The following CARD16 variants were observed in gnomAD, a reference collection of about 807,000 sequenced individuals.
CARD16 encodes the protein caspase recruitment domain-containing protein 16.
In CARD16, 8 loss-of-function variants were observed where a neutral mutation model predicts 11.9. The ratio of observed to expected loss-of-function variants is 0.67; its 90% CI spans 0.39 to 1.21. The LOEUF (loss-of-function observed/expected upper bound fraction) is 1.21, where lower values mean the gene tolerates loss of function less well. Among genes scored for constraint, CARD16 ranks in the 50% most tolerant of loss-of-function variants. The pLI, the probability that CARD16 is intolerant of heterozygous loss-of-function variation, is 0.01. For missense variants in CARD16, 131 were observed against 118.1 expected (o/e 1.11, Z -0.51); for synonymous variants, 44 against 43.8 (o/e 1.00, Z -0.02).
intron 3 of CARD16, among the ~76,000 whole-genome samples, chr11:105,043,218 A>G (rs1397594215): frequency 6.6e-6 from 1 of 152,152 alleles, no homozygotes; most frequent in African/African-American, 2.4e-5. Context: ...GATGTGAGGG[A>G]ATATTTCAGT....
At chr11:105,042,163 A>G (rs941556855) in intron 3 of CARD16, among the ~76,000 whole-genome samples, 3 of 152,232 alleles carry the variant, frequency 2.0e-5, no homozygotes, top group East Asian at 1.9e-4. Flanking sequence ...CCTAATAGAC[A>G]TGGTAGTAAA....
intron 3 of CARD16, 132 bp downstream of exon 3, chr11:105,043,351 G>T (rs1164068927): frequency 1.0e-5 from 5 of 501,550 alleles, no homozygotes; most frequent in African/African-American, 4.1e-5. Flanking sequence ...AAACAGAATA[G>T]ATTAAAAAAG....
At position 105,041,581 on chromosome 11, in the gene CARD16, A is replaced by G; in HGVS notation, c.*182T>C. On this transcript the variant is annotated 3_prime_UTR_variant, in exon 4 of 4. Coordinates refer to ENST00000673097, the MANE Select transcript of CARD16 (RefSeq NM_052889.4). ...TGAAGTATATCTTTCACTCCACTTT[A>G]TTATTGTATTCTGAACATGGCACCT... 1 of 1,614,072 alleles carries G rather than the reference A, an allele frequency of 6.2e-7. No homozygotes were observed. The highest frequency in any genetic ancestry group is 8.5e-7 in the Non-Finnish European group (1 of 1,179,950).
In CARD16 at chr11:105,044,655, T is replaced by A. The variant is rs61745000; in HGVS notation, c.11A>T (p.Lys4Met). Residue 4 changes from lysine (K) to methionine (M), a missense_variant, in exon 2 of 4, where the codon AAG (lysine) becomes ATG (methionine). Physicochemically the swap from Lys to Met is moderately conservative, Grantham distance 95. Coordinates refer to ENST00000673097, the MANE Select transcript of CARD16 (RefSeq NM_052889.4). MAD[K>M]VLKEKRKLFI... ...CAGCTTTCTCTTCTCCTTCAGGACC[T>A]TGTCTGTTTGGAGCACAAGGATTTC... 1 of 1,613,984 alleles carries A rather than the reference T, an allele frequency of 6.2e-7. No homozygotes were observed. Among genetic ancestry groups the A allele is most frequent in the Non-Finnish European group, 8.5e-7 (1 of 1,179,854 alleles).
chr11:105,042,727 A>G (rs1451596882), intron 3 of CARD16, among the ~76,000 whole-genome samples: 1 of 152,202 alleles, frequency 6.6e-6, no homozygotes, highest in Non-Finnish European at 1.5e-5. Flanking sequence ...AGCAATAGAG[A>G]AAAACTAAAG....
At chr11:105,042,459 A>AG (rs71303262) in intron 3 of CARD16, among the ~76,000 whole-genome samples, 27,192 of 152,132 alleles carry the variant, frequency 0.18, 2,621 homozygotes, top group Admixed American at 0.26. Flanking sequence ...CACTTGTTAA[A>AG]AAATTAATGT....
chr11:105,044,718 A>G lies in CARD16; in HGVS notation c.8-60T>C, dbSNP rs1278398183. ...AACAGCCTCATATTCCTCTCACGTCATCAACAGAAAGTGACCTCATTTAGA... is the reference window on the plus strand; with the variant it reads ...AACAGCCTCATATTCCTCTCACGTCGTCAACAGAAAGTGACCTCATTTAGA... On this transcript the variant is annotated intron_variant, in intron 1 of 3. Coordinates refer to ENST00000673097, the MANE Select transcript of CARD16 (RefSeq NM_052889.4). 2.5e-6 allele frequency: 4 copies of G among 1,581,856 alleles called. No homozygotes were observed. The African/African-American group carries it at 4.0e-5, about 16-fold the overall frequency.
At chr11:105,042,119 T>G (rs1864122661) in intron 3 of CARD16, among the ~76,000 whole-genome samples, 1 of 152,156 alleles carries the variant, frequency 6.6e-6, no homozygotes, top group African/African-American at 2.4e-5. Flanking sequence ...ACTAATTAAT[T>G]TTTAAAATAT....
Position 105,043,563 on chromosome 11 carries a change from A to G in CARD16, c.275-18T>C. 6.4e-7 allele frequency: 1 copy of G among 1,570,506 alleles called. No individual in the cohort carries two copies. The highest frequency in any genetic ancestry group is 8.8e-7 in the Non-Finnish European group (1 of 1,141,484). ...TATCGGACCTATAAAAAGATGAAGA[A>G]CATTGAAATAGCCACTTATCATCTC... is the stretch of plus-strand genomic sequence containing the variant. On this transcript the variant is annotated intron_variant, in intron 2 of 3. Transcript: ENST00000673097.
chr11:105,041,589 A>T lies in CARD16; in HGVS notation c.*174T>A. 1 of 1,614,080 alleles carries T rather than the reference A, an allele frequency of 6.2e-7. No individual in the cohort carries two copies. The highest frequency in any genetic ancestry group is 8.5e-7 in the Non-Finnish European group (1 of 1,179,958). On this transcript the variant is annotated 3_prime_UTR_variant, in exon 4 of 4. Coordinates refer to ENST00000673097, the MANE Select transcript of CARD16 (RefSeq NM_052889.4). ...ATCTTTCACTCCACTTTATTATTGT[A>T]TTCTGAACATGGCACCTCTGCAACT... is the stretch of plus-strand genomic sequence containing the variant.
chr11:105,041,589 A>C lies in CARD16; in HGVS notation c.*174T>G. On this transcript the variant is annotated 3_prime_UTR_variant, in exon 4 of 4. Coordinates refer to ENST00000673097, the MANE Select transcript of CARD16 (RefSeq NM_052889.4). ...ATCTTTCACTCCACTTTATTATTGT[A>C]TTCTGAACATGGCACCTCTGCAACT... 6.2e-7 allele frequency: 1 copy of C among 1,614,080 alleles called. No homozygotes were observed. Among genetic ancestry groups the C allele is most frequent in the Non-Finnish European group, 8.5e-7 (1 of 1,179,958 alleles).
intron 1 of CARD16, 146 bp from the exon 2 acceptor site, chr11:105,044,804 T>A (rs1367290689): frequency 2.1e-6 from 3 of 1,417,718 alleles, no homozygotes; most frequent in Admixed American, 4.3e-5. Flanking sequence ...ACTGTATTGC[T>A]GTCCTACTTG....
In CARD16 at chr11:105,044,633, CT is replaced by C. The variant is rs1249881649; in HGVS notation, c.32del (p.Lys11SerfsTer12). On this transcript the variant is annotated frameshift_variant, in exon 2 of 4. Coordinates refer to ENST00000673097, the MANE Select transcript of CARD16 (RefSeq NM_052889.4). LOFTEE classifies it high-confidence loss of function. Reference sequence around the variant, plus strand: ...CTTCACCCATGGAATGGATAAACAGCTTTCTCTTCTCCTTCAGGACCTTGTC... The same window carrying C: ...CTTCACCCATGGAATGGATAAACAGCTTCTCTTCTCCTTCAGGACCTTGTC... MADKVLKEKR[K>X]LFIHSMGEGT... is the part of the protein sequence containing the mutation. 1.5e-5 allele frequency: 24 copies of C among 1,613,972 alleles called. No individual in the cohort carries two copies. Among genetic ancestry groups the C allele is most frequent in the Non-Finnish European group, 2.0e-5 (24 of 1,179,964 alleles).
At chr11:105,042,266 G>A (rs692897) in intron 3 of CARD16, among the ~76,000 whole-genome samples, 27,212 of 151,950 alleles carry the variant, frequency 0.18, 2,631 homozygotes, top group Admixed American at 0.26. Context: ...TATTGAATAC[G>A]TAAACTAGAA....
chr11:105,043,510 A>C lies in CARD16; in HGVS notation c.*16T>G, dbSNP rs563482189. 32 of 1,610,020 alleles carry C rather than the reference A, an allele frequency of 2.0e-5. No homozygotes were observed. In the South Asian group the frequency reaches 3.2e-4, roughly 16 times the overall value. On this transcript the variant is annotated 3_prime_UTR_variant, in exon 3 of 4. Coordinates refer to ENST00000673097, the MANE Select transcript of CARD16 (RefSeq NM_052889.4). The stretch of plus-strand genomic sequence containing the variant: ...GGGAAGGAAGAAAATAGTAATTGGG[A>C]GTCTTGTGTACTAAGCTAATTTCCA...
At chr11:105,044,761 C>T in intron 1 of CARD16, 103 bp from the exon 2 acceptor site, 3 of 1,537,222 alleles carry the variant, frequency 2.0e-6, no homozygotes, top group Non-Finnish European at 2.6e-6. Flanking sequence ...AGTGAAATGT[C>T]CCCCTCCTCA....
chr11:105,042,010 G>T (rs956786540), intron 3 of CARD16, among the ~76,000 whole-genome samples: 1 of 152,090 alleles, frequency 6.6e-6, no homozygotes, highest in Non-Finnish European at 1.5e-5. Flanking sequence ...AAACACTCAG[G>T]AAACAGTCAA....
At position 105,044,545 on chromosome 11, in the gene CARD16, C is replaced by G. The variant is rs749940648; in HGVS notation, c.121G>C (p.Glu41Gln). 3 of 1,614,156 alleles carry G rather than the reference C, an allele frequency of 1.9e-6. No individual in the cohort carries two copies. Among genetic ancestry groups the G allele is most frequent in the East Asian group, 2.2e-5 (1 of 44,874 alleles). ...GTAGCATTTTCACGTTTTACTTTCTCCATCTCTTCCTGGTTCAGCACCCTT... is the reference window on the plus strand; with the variant it reads ...GTAGCATTTTCACGTTTTACTTTCTGCATCTCTTCCTGGTTCAGCACCCTT... ...QTRVLNQEEM[E>Q]KVKRENATVM... The change falls in exon 2 of 4, where the codon GAG becomes CAG. Residue 41 changes from glutamate to glutamine, a missense_variant. Coordinates refer to ENST00000673097, the MANE Select transcript of CARD16 (RefSeq NM_052889.4).
chr11:105,042,127 T>A (rs757925227), intron 3 of CARD16, among the ~76,000 whole-genome samples: 1 of 152,194 alleles, frequency 6.6e-6, no homozygotes, highest in Non-Finnish European at 1.5e-5. Flanking sequence ...ATTTTTAAAA[T>A]ATGTGTTTAT....
Sources: allele counts gnomAD v4.1 joint callset (sites outside exome capture counted in the v4.1 genomes callset), GRCh38; gene constraint gnomAD v4.1.1; transcripts MANE v1.5; gene names NCBI Gene and HGNC (gene_info 2026-07-23, HGNC 2026-07-21).